The following CLSTN2 variants were observed in gnomAD, a reference collection of about 807,000 sequenced individuals.
CLSTN2 encodes the protein calsyntenin 2.
In CLSTN2, 48 loss-of-function variants were observed where a neutral mutation model predicts 101.2. That is an observed-to-expected ratio of 0.47 (90% CI 0.38 to 0.60). The LOEUF is 0.60. CLSTN2 is among the 20% of genes least tolerant of loss of function. The pLI is 0.00. For synonymous variants in CLSTN2, 481 were observed against 463.6 expected (o/e 1.04, Z -0.48); for missense variants, 1,160 against 1,238.2 (o/e 0.94, Z 0.95).
chr3:139,991,269 A>C (rs1936109776), intron 1 of CLSTN2, among the ~76,000 whole-genome samples: 1 of 152,228 alleles, frequency 6.6e-6, no homozygotes, highest in Non-Finnish European at 1.5e-5. Flanking sequence ...ATGCTATTTG[A>C]TTTGATTAAT....
At chr3:140,393,270 G>A (rs1198584283) in intron 2 of CLSTN2, among the ~76,000 whole-genome samples, 1 of 152,118 alleles carries the variant, frequency 6.6e-6, no homozygotes, top group Non-Finnish European at 1.5e-5. Flanking sequence ...GAAAAAATGG[G>A]GAGAGAGAGA....
intron 8 of CLSTN2, among the ~76,000 whole-genome samples, chr3:140,482,812 G>A (rs60598750): frequency 0.049 from 7,517 of 152,006 alleles, 395 homozygotes; most frequent in African/African-American, 0.13. Context: ...TTTTCATTGC[G>A]TCTATTTGAT....
At chr3:140,517,736 G>A (rs530067621) in intron 8 of CLSTN2, among the ~76,000 whole-genome samples, 1 of 152,242 alleles carries the variant, frequency 6.6e-6, no homozygotes, top group South Asian at 2.1e-4. Context: ...GGAATCAGGT[G>A]GACTCTGTTA....
At chr3:140,226,493 A>G in intron 2 of CLSTN2, among the ~76,000 whole-genome samples, 1 of 152,220 alleles carries the variant, frequency 6.6e-6, no homozygotes, top group East Asian at 1.9e-4. Flanking sequence ...ATCGACAGCT[A>G]GATAGATGGA....
chr3:140,427,201 A>G (rs6802158), intron 5 of CLSTN2, among the ~76,000 whole-genome samples: 15,616 of 100,460 alleles, frequency 0.16, 1,540 homozygotes, highest in Admixed American at 0.28. Context: ...ATATATATAT[A>G]TATGTGTATA....
chr3:140,558,686 T>C lies in CLSTN2; in HGVS notation c.1870T>C (p.Tyr624His). ...CATCAGTATCCCTGAGGTAGATGCC[T>C]ATGTGATGGTCCTCCAGGCCATCGA... is the stretch of plus-strand genomic sequence containing the variant. The part of the protein sequence containing the change: ...VCISIPEVDA[Y>H]VMVLQAIEPR... The change falls in exon 12 of 17, where the codon TAT (tyrosine) becomes CAT (histidine). Residue 624 changes from tyrosine (Y) to histidine (H), a missense_variant. Transcript: ENST00000458420. The C allele has an allele frequency of 6.2e-7, 1 of 1,614,022 alleles. No individual in the cohort carries two copies. Among genetic ancestry groups the C allele is most frequent in the East Asian group, 2.2e-5 (1 of 44,872 alleles).
chr3:140,305,023 GACAC>G (rs374893786), intron 2 of CLSTN2, among the ~76,000 whole-genome samples: 2,406 of 142,860 alleles, frequency 0.017, 34 homozygotes, highest in Non-Finnish European at 0.021. Flanking sequence ...CACACACAGA[GACAC>G]ACACACACAC....
intron 9 of CLSTN2, among the ~76,000 whole-genome samples, chr3:140,542,551 A>G (rs1292792552): frequency 6.6e-6 from 1 of 152,194 alleles, no homozygotes; most frequent in Non-Finnish European, 1.5e-5. Flanking sequence ...ATTTTTCAAT[A>G]TATCTATTAT....
chr3:139,947,141 C>G (rs1935227485), intron 1 of CLSTN2, among the ~76,000 whole-genome samples: 1 of 152,214 alleles, frequency 6.6e-6, no homozygotes, highest in African/African-American at 2.4e-5. Flanking sequence ...GGTTCCAAAC[C>G]TACCAAGGGC....
intron 1 of CLSTN2, among the ~76,000 whole-genome samples, chr3:139,973,516 G>T (rs1041331783): frequency 6.6e-6 from 1 of 152,160 alleles, no homozygotes; most frequent in Non-Finnish European, 1.5e-5. Flanking sequence ...GCCATCAGCT[G>T]GTCTGCAACA....
intron 2 of CLSTN2, among the ~76,000 whole-genome samples, chr3:140,363,979 C>T (rs886972995): frequency 2.0e-5 from 3 of 152,204 alleles, no homozygotes; most frequent in Admixed American, 6.5e-5. Flanking sequence ...CAGGATGCAG[C>T]ACCACTCACA....
At chr3:140,100,147 C>CTTT (rs34115783) in intron 1 of CLSTN2, among the ~76,000 whole-genome samples, 1 of 145,418 alleles carries the variant, frequency 6.9e-6, no homozygotes, top group African/African-American at 2.5e-5. Flanking sequence ...TTGCATTTCT[C>CTTT]TTTTTTTTTT....
chr3:140,322,213 G>T (rs1469498183), intron 2 of CLSTN2, among the ~76,000 whole-genome samples: 1 of 152,220 alleles, frequency 6.6e-6, no homozygotes, highest in Non-Finnish European at 1.5e-5. Flanking sequence ...GTCTCCATCA[G>T]GTGGCCTGGC....
chr3:140,442,861 C>T (rs1932987146), intron 5 of CLSTN2, among the ~76,000 whole-genome samples: 1 of 152,218 alleles, frequency 6.6e-6, no homozygotes, highest in Non-Finnish European at 1.5e-5. Context: ...TGCTTCCTGA[C>T]TCACCCCCAA....
intron 2 of CLSTN2, among the ~76,000 whole-genome samples, chr3:140,191,613 T>C (rs1225298443): frequency 2.0e-5 from 3 of 151,936 alleles, no homozygotes; most frequent in Non-Finnish European, 2.9e-5. Context: ...TTATATTGGA[T>C]GGGTTGTAGT....
intron 8 of CLSTN2, among the ~76,000 whole-genome samples, chr3:140,473,405 G>A (rs942245198): frequency 3.3e-5 from 5 of 152,176 alleles, no homozygotes; most frequent in Admixed American, 6.5e-5. Flanking sequence ...GACGGTGTTC[G>A]CATATGTGAC....
chr3:139,996,757 C>T (rs1295704128), intron 1 of CLSTN2, among the ~76,000 whole-genome samples: 1 of 152,082 alleles, frequency 6.6e-6, no homozygotes, highest in Non-Finnish European at 1.5e-5. Context: ...TGTGAAAATA[C>T]CTGACTGTGG....
intron 8 of CLSTN2, among the ~76,000 whole-genome samples, chr3:140,505,265 G>A (rs568264461): frequency 6.6e-6 from 1 of 152,150 alleles, no homozygotes; most frequent in South Asian, 2.1e-4. Flanking sequence ...CCCACTGATG[G>A]CCTTTAATTT....
At chr3:139,957,455 C>T (rs1020821115) in intron 1 of CLSTN2, among the ~76,000 whole-genome samples, 4 of 152,218 alleles carry the variant, frequency 2.6e-5, no homozygotes, top group African/African-American at 9.6e-5. Context: ...CAACTCTAAC[C>T]TGTATATGCC....
Sources: allele counts gnomAD v4.1 joint callset (sites outside exome capture counted in the v4.1 genomes callset), GRCh38; gene constraint gnomAD v4.1.1; transcripts MANE v1.5; gene names NCBI Gene and HGNC (gene_info 2026-07-23, HGNC 2026-07-21).